Variants in CNGB3 observed in about 807,000 individuals in gnomAD.
The protein encoded by CNGB3 is cyclic nucleotide gated channel subunit beta 3, also known as cyclic nucleotide-gated channel beta-3.
CNGB3 carries 86 observed loss-of-function variants against 92.8 expected under a neutral mutation model. The ratio of observed to expected loss-of-function variants is 0.93; its 90% CI spans 0.78 to 1.11. The LOEUF is 1.11. Among genes scored for constraint, CNGB3 ranks in the 50% least tolerant of loss-of-function variants. CNGB3 has a pLI of 0.00. For synonymous variants in CNGB3, 333 were observed against 332.7 expected, an observed-to-expected ratio of 1.00 and a Z score of -0.01; for missense variants, 1,026 against 956.8, an observed-to-expected ratio of 1.07 and a Z score of -0.95.
At chr8:86,702,318 C>T (rs1013595706) in intron 3 of CNGB3, among the ~76,000 whole-genome samples, 1 of 152,142 alleles carries the variant, frequency 6.6e-6, no homozygotes, top group Non-Finnish European at 1.5e-5. Flanking sequence ...CTCCTTAAGG[C>T]TATTCTGTAT....
chr8:86,636,880 C>G (rs549794781), intron 10 of CNGB3, among the ~76,000 whole-genome samples: 3 of 152,032 alleles, frequency 2.0e-5, no homozygotes, highest in Admixed American at 1.3e-4. Context: ...GTTTATTTTG[C>G]TAGGCATAAT....
chr8:86,649,285 C>T (rs7832569), intron 7 of CNGB3, among the ~76,000 whole-genome samples: 16,463 of 151,534 alleles, frequency 0.11, 1,064 homozygotes, highest in Admixed American at 0.22. Context: ...CATCAAAATA[C>T]CAACTTTTTT....
chr8:86,663,168 T>C (rs895845865), intron 6 of CNGB3, among the ~76,000 whole-genome samples: 36 of 152,174 alleles, frequency 2.4e-4, no homozygotes, highest in African/African-American at 8.0e-4. Flanking sequence ...GAGGATTAAG[T>C]ACCAAAAGCA....
chr8:86,734,518 A>C (rs907267553), intron 2 of CNGB3, among the ~76,000 whole-genome samples: 1 of 152,224 alleles, frequency 6.6e-6, no homozygotes, highest in Non-Finnish European at 1.5e-5. Context: ...TTACAAATGC[A>C]GACAACATTA....
At chr8:86,608,806 C>T (rs905877040) in intron 14 of CNGB3, among the ~76,000 whole-genome samples, 1 of 152,200 alleles carries the variant, frequency 6.6e-6, no homozygotes, top group Non-Finnish European at 1.5e-5. Flanking sequence ...GTGACCTTAC[C>T]TATCATTGGA....
At chr8:86,584,205 TTCTA>T (rs1585947040) in intron 15 of CNGB3, among the ~76,000 whole-genome samples, 1 of 152,196 alleles carries the variant, frequency 6.6e-6, no homozygotes, top group African/African-American at 2.4e-5. Context: ...CTCAGCTTTC[TTCTA>T]TCTACCTTCT....
chr8:86,697,076 C>G (rs1824463728), intron 3 of CNGB3, among the ~76,000 whole-genome samples: 1 of 152,020 alleles, frequency 6.6e-6, no homozygotes, highest in Non-Finnish European at 1.5e-5. Flanking sequence ...GACCACAAAT[C>G]AACCAGAAAG....
At chr8:86,644,191 A>G (rs1823248290) in intron 9 of CNGB3, among the ~76,000 whole-genome samples, 1 of 151,396 alleles carries the variant, frequency 6.6e-6, no homozygotes, top group Non-Finnish European at 1.5e-5. Flanking sequence ...AAAATACACT[A>G]TGCTAATTTA....
chr8:86,578,747 C>T lies in CNGB3; in HGVS notation c.2045G>A (p.Gly682Asp). Residue 682 changes from glycine (G) to aspartate (D), a missense_variant, in exon 17 of 18, where the codon GGC becomes GAC. Gly to Asp is a moderately conservative substitution (Grantham distance 94, BLOSUM62 -1). Transcript: ENST00000320005. ...TCTTGCAAGACTTGCTTTTCCTGTG[C>T]CTCCTAGGAGAGTTTTAAACAGTTT... ...TPKLFKTLLG[G>D]TGKASLARLL... 6.2e-7 allele frequency: 1 copy of T among 1,613,984 alleles called. No homozygotes were observed. The highest frequency in any genetic ancestry group is 8.5e-7 in the Non-Finnish European group (1 of 1,179,954).
At chr8:86,697,380 A>G (rs1334461248) in intron 3 of CNGB3, among the ~76,000 whole-genome samples, 1 of 152,210 alleles carries the variant, frequency 6.6e-6, no homozygotes, top group Non-Finnish European at 1.5e-5. Context: ...AATACAAAAT[A>G]TAGATTCTGT....
chr8:86,686,918 T>A (rs899283856), intron 3 of CNGB3, among the ~76,000 whole-genome samples: 4 of 152,076 alleles, frequency 2.6e-5, no homozygotes, highest in Non-Finnish European at 5.9e-5. Context: ...TTTATGTCTC[T>A]TTTAAAGAAA....
At chr8:86,714,911 C>A (rs13280483) in intron 3 of CNGB3, among the ~76,000 whole-genome samples, 28,768 of 151,896 alleles carry the variant, frequency 0.19, 3,342 homozygotes, top group South Asian at 0.3. Context: ...TCAGCAGAGG[C>A]AGCCATAATC....
At chr8:86,714,427 C>T (rs1313288179) in intron 3 of CNGB3, among the ~76,000 whole-genome samples, 4 of 152,224 alleles carry the variant, frequency 2.6e-5, no homozygotes, top group Non-Finnish European at 4.4e-5. Flanking sequence ...ATATTCACCC[C>T]AAATAATGTT....
In CNGB3 at chr8:86,632,759, A is replaced by C; in HGVS notation, c.1313T>G (p.Ile438Ser). 2.5e-6 allele frequency: 4 copies of C among 1,613,168 alleles called. No homozygotes were observed. Among genetic ancestry groups the C allele is most frequent in the Non-Finnish European group, 3.4e-6 (4 of 1,179,746 alleles). Residue 438 changes from isoleucine to serine, a missense_variant, in exon 11 of 18, where the codon ATT (isoleucine) becomes AGT (serine). By Grantham distance (142) the Ile-to-Ser change is moderately radical. Transcript: ENST00000320005. ...GATTCATACTCAGCTTACCTGACCA[A>C]TTAAACTGGAGAACACAAAAACTCC... ...FSGVFVFSSL[I>S]GQMRDVIGAA...
At chr8:86,621,422 T>C (rs1026839345) in intron 13 of CNGB3, among the ~76,000 whole-genome samples, 1 of 152,204 alleles carries the variant, frequency 6.6e-6, no homozygotes, top group East Asian at 1.9e-4. Flanking sequence ...CCTACTCTTA[T>C]GTATGAGGCA....
chr8:86,661,410 A>C (rs368000239), intron 6 of CNGB3: 2 of 454,422 alleles, frequency 4.4e-6, no homozygotes, highest in African/African-American at 2.0e-5. Flanking sequence ...AGAGGACAAA[A>C]AAATTCCAGC....
chr8:86,662,570 G>A (rs1180973050), intron 6 of CNGB3, among the ~76,000 whole-genome samples: 1 of 152,188 alleles, frequency 6.6e-6, no homozygotes, highest in Admixed American at 6.5e-5. Context: ...AGGTTTATGA[G>A]GTGGGTACTG....
rs556363612 is a variant in CNGB3, at chr8:86,618,930, C to G, written c.1578+7053G>C. Among the ~76,000 whole-genome samples the G allele has an allele frequency of 1.1e-4, 17 of 152,358 alleles. No homozygotes were observed. In the South Asian group the frequency reaches 3.5e-3, roughly 32 times the overall value. On this transcript the variant is annotated intron_variant, in intron 13 of 17. Transcript: ENST00000320005. Reference sequence around the variant, plus strand: ...TCACTCACACACAAAACACTTCCTTCTCATCCTTCCGTCCACAGAAGTCAC... The same window carrying G: ...TCACTCACACACAAAACACTTCCTTGTCATCCTTCCGTCCACAGAAGTCAC...
At chr8:86,619,704 C>A (rs1822688294) in intron 13 of CNGB3, among the ~76,000 whole-genome samples, 1 of 146,094 alleles carries the variant, frequency 6.8e-6, no homozygotes, top group Non-Finnish European at 1.5e-5. Context: ...GTGAATATCG[C>A]CAAAGGATTG....
Sources: gnomAD v4.1 joint callset for allele counts (sites outside exome capture counted in the v4.1 genomes callset) on GRCh38, gnomAD v4.1.1 for gene constraint, MANE v1.5 for transcripts, NCBI Gene and HGNC (gene_info 2026-07-23, HGNC 2026-07-21) for gene names.